Variants in RAB15 observed in about 807,000 individuals in gnomAD.
The protein encoded by RAB15 is ras-related protein Rab-15.
In RAB15, 13 loss-of-function variants were observed where a neutral mutation model predicts 31.8. That is an observed-to-expected ratio of 0.41 (90% confidence interval 0.27 to 0.65). RAB15 has a LOEUF of 0.65. RAB15 is among the 30% of genes least tolerant of loss of function. The probability of loss-of-function intolerance (pLI) is 0.32; values close to 1 mark genes in which losing one functional copy is unlikely to be tolerated. For missense variants in RAB15, 220 were observed against 277.3 expected, an observed-to-expected ratio of 0.79 and a Z score of 1.47; for synonymous variants, 100 against 105.6, an observed-to-expected ratio of 0.95 and a Z score of 0.33.
At chr14:64,964,234 C>T (rs2139996451) in intron 1 of RAB15, among the ~76,000 whole-genome samples, 1 of 152,056 alleles carries the variant, frequency 6.6e-6, no homozygotes, top group Admixed American at 6.6e-5. Flanking sequence ...GAAAATAACC[C>T]ACTTTTAGGC....
chr14:64,948,616 C>T lies in RAB15; in HGVS notation c.480+52G>A. 1 of 1,611,896 alleles carries T rather than the reference C, an allele frequency of 6.2e-7. No individual in the cohort carries two copies. Among genetic ancestry groups the T allele is most frequent in the Non-Finnish European group, 8.5e-7 (1 of 1,178,316 alleles). The stretch of plus-strand genomic sequence containing the variant: ...TCCATCTTATGGCTCCTCCTCCCAC[C>T]TCTGCTGGACTCAGCCCGAGAGAGC... On this transcript the variant is annotated intron_variant, in intron 6 of 6. Transcript: ENST00000533601. The surrounding 1 kb of genome is among the most constrained non-coding windows in gnomAD (Gnocchi z 7.0).
Position 64,945,970 on chromosome 14 carries a change from A to T in RAB15, c.*2384T>A, listed in dbSNP as rs370200361. The T allele has an allele frequency of 2.7e-4, 42 of 152,826 alleles. No homozygotes were observed. The highest frequency in any genetic ancestry group is 1.0e-3 in the African/African-American group (42 of 41,564). The allele number at this position is 152,826 out of a possible 1,614,324, so 9.5% of individuals were successfully genotyped here. A position where few individuals can be genotyped will look rare whatever the true frequency, so the allele number is the denominator to read the frequency against. On this transcript the variant is annotated 3_prime_UTR_variant, in exon 7 of 7. Coordinates refer to ENST00000533601, the MANE Select transcript of RAB15 (RefSeq NM_001308154.2). ...GAGCAGGTGGCGTGCCTGGGGCTGG[A>T]TGGAGTCTCAAGACAGCAGGTGCAG...
Position 64,954,620 on chromosome 14 carries a change from C to T in RAB15, c.125-2049G>A. ...AGACAGAGCAGTGAAAAAGACATGGCCCCTGCCCTCAGAGAGCCTAGTGGA... is the reference window on the plus strand; with the variant it reads ...AGACAGAGCAGTGAAAAAGACATGGTCCCTGCCCTCAGAGAGCCTAGTGGA... On this transcript the variant is annotated intron_variant, in intron 1 of 6. Transcript: ENST00000533601. The surrounding 1 kb of genome is among the most constrained non-coding windows in gnomAD (Gnocchi z 4.3). 1 of 753,254 alleles carries T rather than the reference C, an allele frequency of 1.3e-6. No individual in the cohort carries two copies. The highest frequency in any genetic ancestry group is 1.6e-6 in the Non-Finnish European group (1 of 617,972). 46.7% of individuals were successfully genotyped at this position (753,254 alleles called of 1,614,324 possible).
chr14:64,954,412 C>G lies in RAB15; in HGVS notation c.125-1841G>C. On this transcript the variant is annotated intron_variant, in intron 1 of 6. Transcript: ENST00000533601. The surrounding 1 kb of genome is among the most constrained non-coding windows in gnomAD (Gnocchi z 4.3). The stretch of plus-strand genomic sequence containing the variant: ...ATACAGCACCTTCTTCCAAGAAGAA[C>G]GAGAAATTTTCTCCAATTTGTAATA... The G allele has an allele frequency of 2.0e-6, 2 of 985,412 alleles. No homozygotes were observed. Among genetic ancestry groups the G allele is most frequent in the Non-Finnish European group, 2.4e-6 (2 of 829,928 alleles). 61.0% of individuals were successfully genotyped at this position (985,412 alleles called of 1,614,324 possible).
rs1886698883 is a variant in RAB15 at position 64,958,596 on chromosome 14, T to C, written c.125-6025A>G. 6.6e-6 allele frequency among the ~76,000 whole-genome samples: 1 copy of C among 152,216 alleles called. No homozygotes were observed. The highest frequency in any genetic ancestry group is 2.1e-4 in the South Asian group (1 of 4,828). On this transcript the variant is annotated intron_variant, in intron 1 of 6. Coordinates refer to ENST00000533601, the MANE Select transcript of RAB15 (RefSeq NM_001308154.2). The surrounding 1 kb of genome is among the most constrained non-coding windows in gnomAD (Gnocchi z 4.4). ...CCTATTTTCTCCTTCCTCCTTGGCA[T>C]GGTTCATGATTCCAGTAAGTCCAGA...
rs1001779361 is a variant in RAB15, at chr14:64,953,355, G to A, written c.125-784C>T. ...ATCTCAGAGGGTTGCTGAGGAGGCC[G>A]GATGAGATACAGCACCTGGCCCAAT... On this transcript the variant is annotated intron_variant, in intron 1 of 6. Coordinates refer to ENST00000533601, the MANE Select transcript of RAB15 (RefSeq NM_001308154.2). The surrounding 1 kb of genome is among the most constrained non-coding windows in gnomAD (Gnocchi z 4.6). 1.2e-4 allele frequency among the ~76,000 whole-genome samples: 18 copies of A among 152,316 alleles called. No individual in the cohort carries two copies. The highest frequency in any genetic ancestry group is 2.0e-4 in the Admixed American group (3 of 15,302).
intron 1 of RAB15, among the ~76,000 whole-genome samples, chr14:64,960,375 C>G (rs1021273646): frequency 3.9e-5 from 6 of 152,204 alleles, no homozygotes; most frequent in African/African-American, 1.4e-4. Context: ...AACACCCCTT[C>G]CCATCACTGT....
intron 1 of RAB15, among the ~76,000 whole-genome samples, chr14:64,969,236 CA>C (rs766603476): frequency 9.2e-5 from 14 of 152,212 alleles, no homozygotes; most frequent in Admixed American, 6.5e-5. Context: ...GCCTGGCATA[CA>C]GGACACGCAT....
In RAB15 at chr14:64,968,888, G is replaced by A. The variant is rs1054044747; in HGVS notation, c.124+3065C>T. 1.3e-5 allele frequency among the ~76,000 whole-genome samples: 2 copies of A among 152,246 alleles called. No individual in the cohort carries two copies. The highest frequency in any genetic ancestry group is 6.5e-5 in the Admixed American group (1 of 15,292). ...GGTCTGCTGGCCAGAAAGACGAAAA[G>A]GATAGGGGGAGGGACAGTCAGTGTC... On this transcript the variant is annotated intron_variant, in intron 1 of 6. Coordinates refer to ENST00000533601, the MANE Select transcript of RAB15 (RefSeq NM_001308154.2). This position sits in a 1 kb window ranked among gnomAD's most constrained non-coding sequence, Gnocchi z 4.9.
Position 64,951,761 on chromosome 14 carries a change from C to T in RAB15, c.186-98G>A. The stretch of plus-strand genomic sequence containing the variant: ...TCCCCTTGTAGGAAAAACTGGGGAG[C>T]TAAAGGGTGAAAAACCAGGGATGCT... On this transcript the variant is annotated intron_variant, in intron 2 of 6. Transcript: ENST00000533601. The surrounding 1 kb of genome is among the most constrained non-coding windows in gnomAD (Gnocchi z 7.2). 9.5e-7 allele frequency: 1 copy of T among 1,055,516 alleles called. No homozygotes were observed. The highest frequency in any genetic ancestry group is 1.5e-6 in the Non-Finnish European group (1 of 676,136). The allele number at this position is 1,055,516 out of a possible 1,614,324, so 65.4% of individuals were successfully genotyped here. A position where few individuals can be genotyped will look rare whatever the true frequency, so the allele number is the denominator to read the frequency against.
Position 64,948,804 on chromosome 14 carries a change from C to T in RAB15, c.415-71G>A, listed in dbSNP as rs2139962314. Reference sequence around the variant, plus strand: ...AGGGGCCCATACAACCAGGCACAGGCTTCTGCCACTGCACTCACAACCATG... The same window carrying T: ...AGGGGCCCATACAACCAGGCACAGGTTTCTGCCACTGCACTCACAACCATG... On this transcript the variant is annotated intron_variant, in intron 5 of 6. Coordinates refer to ENST00000533601, the MANE Select transcript of RAB15 (RefSeq NM_001308154.2). The surrounding 1 kb of genome is among the most constrained non-coding windows in gnomAD (Gnocchi z 7.0). The T allele has an allele frequency of 3.8e-6, 5 of 1,314,058 alleles. No homozygotes were observed. Among genetic ancestry groups the T allele is most frequent in the Non-Finnish European group, 5.5e-6 (5 of 916,164 alleles). 81.4% of individuals were successfully genotyped at this position (1,314,058 alleles called of 1,614,324 possible).
intron 1 of RAB15, among the ~76,000 whole-genome samples, chr14:64,966,857 G>A (rs1444236792): frequency 1.3e-5 from 2 of 152,148 alleles, no homozygotes; most frequent in African/African-American, 2.4e-5. Flanking sequence ...GTCTCAGGCT[G>A]CCTGAAGGCT....
chr14:64,949,758 A>AG (rs892372946), intron 5 of RAB15, among the ~76,000 whole-genome samples: 1 of 151,504 alleles, frequency 6.6e-6, no homozygotes, highest in Non-Finnish European at 1.5e-5. Flanking sequence ...GAAAAAAAAA[A>AG]TAACCAATAT....
rs770838628 is a variant in RAB15 at position 64,950,364 on chromosome 14, C to A, written c.375G>T (p.Glu125Asp). 1 of 1,614,184 alleles carries A rather than the reference C, an allele frequency of 6.2e-7. No homozygotes were observed. The highest frequency in any genetic ancestry group is 1.7e-5 in the Admixed American group (1 of 60,016). ...CTCTTCCCACCTGCCGTTTCTGCTC[C>A]TCATCAGCCTTATTCCCAATAAGGA... is the stretch of plus-strand genomic sequence containing the variant. Reference protein sequence around the residue: ...QKILIGNKADEEQKRQVGREQ... With the variant: ...QKILIGNKADDEQKRQVGREQ... Residue 125 changes from glutamate (E) to aspartate (D), a missense_variant, in exon 5 of 7, where the codon GAG becomes GAT. Physicochemically the swap from Glu to Asp is conservative, Grantham distance 45. Transcript: ENST00000533601. The surrounding 1 kb of genome is among the most constrained non-coding windows in gnomAD (Gnocchi z 5.6).
chr14:64,948,170 G>A lies in RAB15; in HGVS notation c.*184C>T, dbSNP rs1166102092. On this transcript the variant is annotated 3_prime_UTR_variant, in exon 7 of 7. Coordinates refer to ENST00000533601, the MANE Select transcript of RAB15 (RefSeq NM_001308154.2). The surrounding 1 kb of genome is among the most constrained non-coding windows in gnomAD (Gnocchi z 7.0). ...ACCACTCCAGGGTGGACGGGCTGGG[G>A]ACAGGGGCTGCTTGAGATGACAGCA... The A allele has an allele frequency of 1.5e-5, 9 of 594,910 alleles. No individual in the cohort carries two copies. The highest frequency in any genetic ancestry group is 1.1e-4 in the Admixed American group (3 of 27,960). 36.9% of individuals were successfully genotyped at this position (594,910 alleles called of 1,614,324 possible).
At chr14:64,966,530 AAT>A (rs1714687410) in intron 1 of RAB15, among the ~76,000 whole-genome samples, 6 of 150,670 alleles carry the variant, frequency 4.0e-5, no homozygotes, top group African/African-American at 2.4e-5. Context: ...CTCAAAAAAA[AAT>A]AAATAAATAA....
intron 1 of RAB15, among the ~76,000 whole-genome samples, chr14:64,959,095 T>C (rs1886724170): frequency 6.6e-6 from 1 of 152,126 alleles, no homozygotes; most frequent in Admixed American, 6.5e-5. Context: ...ACTGACCAGT[T>C]GGTAATGAGC....
At chr14:64,964,532 AAAAAAAG>A in intron 1 of RAB15, among the ~76,000 whole-genome samples, 1 of 86,364 alleles carries the variant, frequency 1.2e-5, no homozygotes, top group African/African-American at 4.9e-5. Flanking sequence ...AAAAAAAAAG[AAAAAAAG>A]AAAAAAGAAA....
At chr14:64,969,799 C>A (rs777374459) in intron 1 of RAB15, among the ~76,000 whole-genome samples, 1 of 152,154 alleles carries the variant, frequency 6.6e-6, no homozygotes, top group Non-Finnish European at 1.5e-5. Context: ...TCCCTGTGAC[C>A]TATTTAGTGT....
Sources: gnomAD v4.1 joint callset for allele counts (sites outside exome capture counted in the v4.1 genomes callset) on GRCh38, gnomAD v4.1.1 for gene constraint, Gnocchi (gnomAD v3.1) non-coding constraint, MANE v1.5 for transcripts, NCBI Gene and HGNC (gene_info 2026-07-23, HGNC 2026-07-21) for gene names.